The following PDE8A variants were observed in gnomAD, a reference collection of about 807,000 sequenced individuals.
The protein encoded by PDE8A is high affinity cAMP-specific and IBMX-insensitive 3',5'-cyclic phosphodiesterase 8A.
In PDE8A, 59 loss-of-function variants were observed where a neutral mutation model predicts 105.0. The observed-to-expected ratio is 0.56, with a 90% confidence interval of 0.46 to 0.70. The LOEUF is 0.70. Among genes scored for constraint, PDE8A ranks in the 30% least tolerant of loss-of-function variants. PDE8A has a pLI of 0.00. For synonymous variants in PDE8A, 355 were observed against 371.9 expected (o/e 0.95, Z 0.52); for missense variants, 1,014 against 1,045.9 (o/e 0.97, Z 0.42).
chr15:85,047,325 A>G (rs1409584100), intron 1 of PDE8A, among the ~76,000 whole-genome samples: 1 of 152,098 alleles, frequency 6.6e-6, no homozygotes, highest in African/African-American at 2.4e-5. Context: ...GAAGTTGTTT[A>G]CTCTTTGAGG....
At chr15:84,993,442 C>CAAAAAAAAAAA (rs11362736) in intron 1 of PDE8A, among the ~76,000 whole-genome samples, 1 of 73,112 alleles carries the variant, frequency 1.4e-5, no homozygotes. Flanking sequence ...GACTCCATCT[C>CAAAAAAAAAAA]AAAAAAAAAA....
intron 20 of PDE8A, among the ~76,000 whole-genome samples, chr15:85,135,269 C>A (rs1220409702): frequency 2.0e-5 from 3 of 152,078 alleles, no homozygotes; most frequent in African/African-American, 7.2e-5. Context: ...TGGGACGAGA[C>A]TTCAGTGGTT....
rs1318621270 is a variant in PDE8A, at chr15:85,066,609, C to T, written c.244-405C>T. On this transcript the variant is annotated intron_variant, in intron 2 of 21. Coordinates refer to ENST00000394553, the MANE Select transcript of PDE8A (RefSeq NM_002605.3). Reference sequence around the variant, plus strand: ...ACACACACACACACACACACACACACACACACACACACACACACACACACA... The same window carrying T: ...ACACACACACACACACACACACACATACACACACACACACACACACACACA... Among the ~76,000 whole-genome samples, 602 of 89,848 alleles carry T rather than the reference C, an allele frequency of 6.7e-3. 7 individuals carry two copies. The highest frequency in any genetic ancestry group is 0.038 in the African/African-American group (577 of 15,224). 58.9% of individuals were successfully genotyped at this position (89,848 alleles called of 152,430 possible). A position where few individuals can be genotyped will look rare whatever the true frequency, so the allele number is the denominator to read the frequency against.
intron 1 of PDE8A, among the ~76,000 whole-genome samples, chr15:85,010,284 CA>C (rs1229248668): frequency 1.3e-5 from 2 of 152,108 alleles, no homozygotes; most frequent in Non-Finnish European, 2.9e-5. Context: ...AAATGTCCAT[CA>C]AAAAAACTTT....
At chr15:85,077,301 T>C (rs2081393617) in intron 5 of PDE8A, among the ~76,000 whole-genome samples, 1 of 152,160 alleles carries the variant, frequency 6.6e-6, no homozygotes, top group South Asian at 2.1e-4. Context: ...AGCTTCAATC[T>C]CTTGGTTTCC....
At chr15:85,107,803 A>G (rs2081968241) in intron 11 of PDE8A, among the ~76,000 whole-genome samples, 2 of 152,196 alleles carry the variant, frequency 1.3e-5, no homozygotes, top group African/African-American at 4.8e-5. Context: ...CTGGGGTAAG[A>G]TGGCAACATA....
At chr15:85,129,995 A>G (rs977037730) in intron 20 of PDE8A, among the ~76,000 whole-genome samples, 1 of 152,174 alleles carries the variant, frequency 6.6e-6, no homozygotes, top group African/African-American at 2.4e-5. Context: ...AGGCTGGGTA[A>G]TTTATAAAGA....
At chr15:85,096,058 G>A (rs1036222561) in intron 8 of PDE8A, among the ~76,000 whole-genome samples, 1 of 151,504 alleles carries the variant, frequency 6.6e-6, no homozygotes, top group African/African-American at 2.4e-5. Flanking sequence ...TGTATTTTTA[G>A]TAGAGACAGG....
rs369272738 is a variant in PDE8A at position 84,995,842 on chromosome 15, C to T, written c.186+13494C>T. On this transcript the variant is annotated intron_variant, in intron 1 of 21. Coordinates refer to ENST00000394553, the MANE Select transcript of PDE8A (RefSeq NM_002605.3). ...GCACTACTTTACCCTGCCTTGTGGT[C>T]AGATTTTTATTTCATAAGGAGCATG... 4.6e-5 allele frequency among the ~76,000 whole-genome samples: 7 copies of T among 152,138 alleles called. No homozygotes were observed. The East Asian group carries it at 9.6e-4, about 21-fold the overall frequency.
chr15:85,016,981 G>C (rs564323624), intron 1 of PDE8A, among the ~76,000 whole-genome samples: 2 of 150,852 alleles, frequency 1.3e-5, no homozygotes, highest in South Asian at 4.2e-4. Context: ...TGAAGCCTGG[G>C]CCGGGCGCGG....
At chr15:85,122,829 A>G (rs540259687) in intron 18 of PDE8A, among the ~76,000 whole-genome samples, 3 of 152,196 alleles carry the variant, frequency 2.0e-5, no homozygotes, top group African/African-American at 7.2e-5. Flanking sequence ...CACTGCAACT[A>G]TAAGTTTTGC....
chr15:85,026,666 T>C (rs1422864959), intron 1 of PDE8A, among the ~76,000 whole-genome samples: 5 of 152,146 alleles, frequency 3.3e-5, no homozygotes, highest in Non-Finnish European at 5.9e-5. Context: ...TTAAAACTAC[T>C]ACAAGTTCAT....
At chr15:84,990,962 T>C (rs2079876538) in intron 1 of PDE8A, among the ~76,000 whole-genome samples, 1 of 152,246 alleles carries the variant, frequency 6.6e-6, no homozygotes, top group African/African-American at 2.4e-5. Flanking sequence ...GTGGTTTTGA[T>C]TTGTATTTCC....
At chr15:85,074,413 G>A (rs990404357) in intron 3 of PDE8A, among the ~76,000 whole-genome samples, 1 of 152,206 alleles carries the variant, frequency 6.6e-6, no homozygotes, top group Non-Finnish European at 1.5e-5. Context: ...CTGGGGCGGG[G>A]GCATTTGGCT....
At chr15:85,124,939 G>A (rs532426209) in intron 19 of PDE8A, among the ~76,000 whole-genome samples, 3 of 152,232 alleles carry the variant, frequency 2.0e-5, no homozygotes, top group Non-Finnish European at 2.9e-5. Flanking sequence ...GGTACATGGG[G>A]TTACTTCTGA....
rs77712617 is a variant in PDE8A, at chr15:85,037,572, T to G, written c.187-26798T>G. Among the ~76,000 whole-genome samples, 997 of 152,344 alleles carry G rather than the reference T, an allele frequency of 6.5e-3. 16 individuals are homozygous for G. Among genetic ancestry groups the G allele is most frequent in the African/African-American group, 0.023 (964 of 41,568 alleles). ...TTATAATGTGAAATGAGCAGAAAGATATTTCAAAATGTTTCATGATGGTTC... is the reference window on the plus strand; with the variant it reads ...TTATAATGTGAAATGAGCAGAAAGAGATTTCAAAATGTTTCATGATGGTTC... On this transcript the variant is annotated intron_variant, in intron 1 of 21. Coordinates refer to ENST00000394553, the MANE Select transcript of PDE8A (RefSeq NM_002605.3).
In PDE8A at chr15:84,985,269, C is replaced by T. The variant is rs573679920; in HGVS notation, c.186+2921C>T. 2.0e-5 allele frequency among the ~76,000 whole-genome samples: 3 copies of T among 152,322 alleles called. No homozygotes were observed. The South Asian group carries it at 6.2e-4, about 32-fold the overall frequency. ...TAATGATTCCAAAGGTACTTTAGAT[C>T]TTGCAATATATTAGGCTGGGTTGTC... On this transcript the variant is annotated intron_variant, in intron 1 of 21. Coordinates refer to ENST00000394553, the MANE Select transcript of PDE8A (RefSeq NM_002605.3).
chr15:85,054,284 T>G (rs1258514033), intron 1 of PDE8A, among the ~76,000 whole-genome samples: 1 of 152,178 alleles, frequency 6.6e-6, no homozygotes, highest in Non-Finnish European at 1.5e-5. Flanking sequence ...ATTCTCTTTT[T>G]TTTGTTGTGT....
intron 1 of PDE8A, among the ~76,000 whole-genome samples, chr15:84,986,186 C>G (rs1331385208): frequency 6.6e-6 from 1 of 152,120 alleles, no homozygotes; most frequent in East Asian, 1.9e-4. Flanking sequence ...GAGAGTGCGT[C>G]CCTGCACTCC....
Sources: gnomAD v4.1 joint callset for allele counts (sites outside exome capture counted in the v4.1 genomes callset) on GRCh38, gnomAD v4.1.1 for gene constraint, MANE v1.5 for transcripts, NCBI Gene and HGNC (gene_info 2026-07-23, HGNC 2026-07-21) for gene names.